The following NRG3 variants were observed in gnomAD, a reference collection of about 807,000 sequenced individuals.
NRG3 encodes neuregulin 3.
In NRG3, 31 loss-of-function variants were observed where a neutral mutation model predicts 66.9. That is an observed-to-expected ratio of 0.46 (90% CI 0.35 to 0.63). NRG3 has a LOEUF of 0.63. Among genes scored for constraint, NRG3 ranks in the 20% least tolerant of loss-of-function variants. NRG3 has a pLI of 0.00. For synonymous variants in NRG3, 393 were observed against 359.4 expected, an observed-to-expected ratio of 1.09 and a Z score of -1.06; for missense variants, 910 against 878.9, an observed-to-expected ratio of 1.04 and a Z score of -0.45.
chr10:82,917,984 ATATATATATGTATG>A (rs1309770852), intron 4 of NRG3, among the ~76,000 whole-genome samples: 4 of 122,066 alleles, frequency 3.3e-5, no homozygotes, highest in Admixed American at 8.8e-5. Context: ...ATATATATAT[ATATATATATGTATG>A]TATGTATCTC....
chr10:82,733,168 T>C (rs2058000778), intron 2 of NRG3, among the ~76,000 whole-genome samples: 2 of 152,218 alleles, frequency 1.3e-5, no homozygotes, highest in South Asian at 2.1e-4. Context: ...GTATACCTTC[T>C]ATAGCATTTA....
At chr10:82,041,658 T>G (rs1213917493) in intron 1 of NRG3, among the ~76,000 whole-genome samples, 1 of 152,054 alleles carries the variant, frequency 6.6e-6, no homozygotes, top group African/African-American at 2.4e-5. Context: ...AGGGGGCTAA[T>G]AAGTCACAAA....
chr10:82,986,492 T>G lies in NRG3; in HGVS notation c.*887T>G, dbSNP rs1469813740. On this transcript the variant is annotated 3_prime_UTR_variant, in exon 9 of 9. Coordinates refer to ENST00000372141, the MANE Select transcript of NRG3 (RefSeq NM_001010848.4). ...TGTGCGCGTATTACGCTTGCTAAAA[T>G]TTGTTCTGAAACATCAGGGAATCTA... is the stretch of plus-strand genomic sequence containing the variant. 1 of 152,214 alleles carries G rather than the reference T, an allele frequency of 6.6e-6. No homozygotes were observed. Among genetic ancestry groups the G allele is most frequent in the Non-Finnish European group, 1.5e-5 (1 of 68,038 alleles). The allele number at this position is 152,214 out of a possible 1,614,324, so 9.4% of individuals were successfully genotyped here.
chr10:81,969,708 G>A (rs1420098313), intron 1 of NRG3, among the ~76,000 whole-genome samples: 1 of 151,994 alleles, frequency 6.6e-6, no homozygotes, highest in African/African-American at 2.4e-5. Context: ...TTCCACATTT[G>A]CCTGTTGCTA....
chr10:81,881,825 C>T (rs1397984696), intron 1 of NRG3, among the ~76,000 whole-genome samples: 1 of 151,862 alleles, frequency 6.6e-6, no homozygotes, highest in African/African-American at 2.4e-5. Flanking sequence ...TAATTAGCCA[C>T]ACCTGTAACT....
chr10:82,124,720 C>T (rs928128855), intron 1 of NRG3, among the ~76,000 whole-genome samples: 4 of 143,308 alleles, frequency 2.8e-5, no homozygotes, highest in Non-Finnish European at 4.5e-5. Flanking sequence ...TATCCCAGAA[C>T]TTAAAGTAAA....
At chr10:82,285,950 T>C (rs1394918949) in intron 1 of NRG3, among the ~76,000 whole-genome samples, 2 of 152,210 alleles carry the variant, frequency 1.3e-5, no homozygotes, top group African/African-American at 2.4e-5. Flanking sequence ...ATCCTTGAGG[T>C]TCCCAAGAAT....
At chr10:82,261,260 G>T (rs938939958) in intron 1 of NRG3, among the ~76,000 whole-genome samples, 2 of 152,058 alleles carry the variant, frequency 1.3e-5, no homozygotes, top group Non-Finnish European at 2.9e-5. Flanking sequence ...TATAAGGGGC[G>T]CCACCCGCTT....
At chr10:81,877,395 T>C (rs1343657223) in intron 1 of NRG3, among the ~76,000 whole-genome samples, 1 of 152,178 alleles carries the variant, frequency 6.6e-6, no homozygotes, top group Non-Finnish European at 1.5e-5. Context: ...TGTCTGGTTA[T>C]GCTGTCTTTA....
intron 1 of NRG3, among the ~76,000 whole-genome samples, chr10:82,182,713 T>C (rs2081790): frequency 0.085 from 12,901 of 152,010 alleles, 858 homozygotes; most frequent in East Asian, 0.22. Context: ...AATATATTTA[T>C]CTTTACCAGT....
chr10:82,636,837 A>T (rs1215541228), intron 2 of NRG3, among the ~76,000 whole-genome samples: 2 of 150,620 alleles, frequency 1.3e-5, no homozygotes, highest in African/African-American at 2.4e-5. Context: ...TGTGTGTGAG[A>T]GAGAGAGTGT....
intron 1 of NRG3, among the ~76,000 whole-genome samples, chr10:82,008,951 T>C (rs1351845733): frequency 6.6e-6 from 1 of 152,190 alleles, no homozygotes; most frequent in Admixed American, 6.5e-5. Context: ...TGGAGAGTTC[T>C]TTTTTGTCAG....
chr10:82,032,598 G>A (rs958597913), intron 1 of NRG3, among the ~76,000 whole-genome samples: 4 of 151,930 alleles, frequency 2.6e-5, no homozygotes, highest in African/African-American at 7.2e-5. Flanking sequence ...AAGCAGAATT[G>A]AAACATATTG....
At chr10:81,898,672 A>C (rs1174095023) in intron 1 of NRG3, among the ~76,000 whole-genome samples, 1 of 152,186 alleles carries the variant, frequency 6.6e-6, no homozygotes, top group East Asian at 1.9e-4. Context: ...CTTTGTCCAA[A>C]ATAAATAAAT....
chr10:82,563,761 TCTA>T (rs890398696), intron 2 of NRG3, among the ~76,000 whole-genome samples: 1 of 152,022 alleles, frequency 6.6e-6, no homozygotes, highest in Non-Finnish European at 1.5e-5. Flanking sequence ...ACATTTAAAA[TCTA>T]CTCTTTTAGC....
rs553624586 is a variant in NRG3, at chr10:81,962,501, G to A, written c.823+86338G>A. 5.9e-5 allele frequency among the ~76,000 whole-genome samples: 9 copies of A among 152,268 alleles called. No homozygotes were observed. The East Asian group carries it at 1.7e-3, about 29-fold the overall frequency. ...GAATGTGATTTACTTATGTATTTTA[G>A]CTGATAAATCCTAGATAGAAATGTA... On this transcript the variant is annotated intron_variant, in intron 1 of 8. Coordinates refer to ENST00000372141, the MANE Select transcript of NRG3 (RefSeq NM_001010848.4).
intron 3 of NRG3, among the ~76,000 whole-genome samples, chr10:82,786,549 T>A (rs1023493367): frequency 1.3e-5 from 2 of 152,146 alleles, no homozygotes; most frequent in Non-Finnish European, 2.9e-5. Flanking sequence ...GGAGGGGAAT[T>A]TGCCTGAAGA....
chr10:82,362,548 G>GTTTTTTTTTTTTTTTTTTTTT lies in NRG3; in HGVS notation c.953+3681_953+3701dup, dbSNP rs10694679. Among the ~76,000 whole-genome samples, 70 of 83,194 alleles carry GTTTTTTTTTTTTTTTTTTTTT rather than the reference G, an allele frequency of 8.4e-4. 15 individuals are homozygous for GTTTTTTTTTTTTTTTTTTTTT. Among genetic ancestry groups the GTTTTTTTTTTTTTTTTTTTTT allele is most frequent in the African/African-American group, 1.4e-3 (29 of 20,186 alleles). 54.6% of individuals were successfully genotyped at this position (83,194 alleles called of 152,430 possible). On this transcript the variant is annotated intron_variant, in intron 2 of 8. Transcript: ENST00000372141. ...ACCACCATGCCCAGATAATTTCTGG[G>GTTTTTTTTTTTTTTTTTTTTT]TTTTTTTTTTTTTTTTTTTTTCGTA... is the stretch of plus-strand genomic sequence containing the variant.
intron 1 of NRG3, among the ~76,000 whole-genome samples, chr10:82,126,171 G>C (rs1488210874): frequency 6.6e-6 from 1 of 151,946 alleles, no homozygotes; most frequent in Admixed American, 6.6e-5. Context: ...TGAAGACATA[G>C]ACTTGAAGAA....
Sources: gnomAD v4.1 joint callset for allele counts (sites outside exome capture counted in the v4.1 genomes callset) on GRCh38, gnomAD v4.1.1 for gene constraint, MANE v1.5 for transcripts, NCBI Gene and HGNC (gene_info 2026-07-23, HGNC 2026-07-21) for gene names.